The following FGF13 variants were observed in gnomAD, a reference collection of about 807,000 sequenced individuals.
FGF13 encodes the protein fibroblast growth factor 13, also known as fibroblast growth factor homologous factor 2.
FGF13 carries 2 observed loss-of-function variants against 19.5 expected under a neutral mutation model. That is an observed-to-expected ratio of 0.10 (90% CI 0.04 to 0.32). The LOEUF (loss-of-function observed/expected upper bound fraction) is 0.32, where lower values mean the gene tolerates loss of function less well. Ranked by LOEUF, FGF13 falls within the 10% of genes least tolerant of loss-of-function variation. The pLI, the probability that FGF13 is intolerant of heterozygous loss-of-function variation, is 1.00. For synonymous variants in FGF13, 72 were observed against 76.9 expected (o/e 0.94, Z 0.33); for missense variants, 113 against 192.7 (o/e 0.59, Z 2.45).
chrX:139,075,290 G>A lies in FGF13; in HGVS notation c.-113+128126C>T, dbSNP rs147022868. Among the ~76,000 whole-genome samples the A allele has an allele frequency of 6.0e-3, 668 of 111,548 alleles. 4 individuals carry two copies. The highest frequency in any genetic ancestry group is 0.021 in the African/African-American group (649 of 30,655). ...TTGTCCCCAACTTGTCTGGCCAGTG[G>A]TCTCCTCACAACAGGCACTACCCGA... is the stretch of plus-strand genomic sequence containing the variant. On this transcript the variant is annotated intron_variant, in intron 1 of 2. Transcript: ENST00000421460.
At chrX:138,874,424 C>G (rs142947288) in intron 1 of FGF13, among the ~76,000 whole-genome samples, 2,405 of 110,573 alleles carry the variant, frequency 0.022, 71 homozygotes, top group African/African-American at 0.075. Flanking sequence ...GAGGGCAATT[C>G]TTTCTTCTCT....
intron 1 of FGF13, among the ~76,000 whole-genome samples, chrX:139,102,205 T>A (rs1251993226): frequency 1.8e-5 from 2 of 112,023 alleles, no homozygotes; most frequent in Non-Finnish European, 3.8e-5. Context: ...GGAAAATAAA[T>A]TTGTGCTTGG....
intron 1 of FGF13, among the ~76,000 whole-genome samples, chrX:138,998,021 C>G (rs548648007): frequency 9.0e-6 from 1 of 111,452 alleles, no homozygotes; most frequent in Non-Finnish European, 1.9e-5. Flanking sequence ...AGAGGGGGGG[C>G]CAATATTCAA....
chrX:138,893,192 C>G (rs1414548540), intron 1 of FGF13, among the ~76,000 whole-genome samples: 1 of 111,535 alleles, frequency 9.0e-6, no homozygotes, highest in Non-Finnish European at 1.9e-5. Context: ...GTATGAGTGA[C>G]TGGCTTTCCC....
chrX:138,994,923 C>T (rs986130183), intron 1 of FGF13, among the ~76,000 whole-genome samples: 1 of 106,250 alleles, frequency 9.4e-6, no homozygotes, highest in Admixed American at 1.0e-4. Context: ...CAAGGCCAAA[C>T]AGAAGGCTCC....
intron 3 of FGF13, among the ~76,000 whole-genome samples, chrX:138,756,584 C>A (rs2090433021): frequency 8.9e-6 from 1 of 112,570 alleles, no homozygotes; most frequent in South Asian, 3.7e-4. Flanking sequence ...TTGCCAGTGC[C>A]ATATGTTTCT....
intron 1 of FGF13, among the ~76,000 whole-genome samples, chrX:139,127,309 G>A (rs1232389239): frequency 9.0e-6 from 1 of 111,582 alleles, no homozygotes; most frequent in Non-Finnish European, 1.9e-5. Flanking sequence ...TCCACAAGAA[G>A]GTTTTTCAGA....
intron 1 of FGF13, among the ~76,000 whole-genome samples, chrX:138,882,120 T>C (rs973330929): frequency 9.0e-6 from 1 of 111,338 alleles, no homozygotes; most frequent in African/African-American, 3.3e-5. Context: ...TTAATCTCAA[T>C]GTATTTTCTA....
Position 138,622,221 on chromosome X carries a change from A to G in FGF13, c.*10629T>C, listed in dbSNP as rs1279878540. The G allele has an allele frequency of 8.9e-6, 1 of 111,763 alleles. No individual in the cohort carries two copies. Among genetic ancestry groups the G allele is most frequent in the Non-Finnish European group, 1.9e-5 (1 of 53,133 alleles). 9.2% of individuals were successfully genotyped at this position (111,763 alleles called of 1,213,427 possible). A position where few individuals can be genotyped will look rare whatever the true frequency, so the allele number is the denominator to read the frequency against. Reference sequence around the variant, plus strand: ...AAAATCCACAACAAAATACTAGCTAAAAGAACTTAACATCACATTAAAAAG... The same window carrying G: ...AAAATCCACAACAAAATACTAGCTAGAAGAACTTAACATCACATTAAAAAG... On this transcript the variant is annotated 3_prime_UTR_variant, in exon 5 of 5. Transcript: ENST00000315930.
At chrX:138,975,161 C>A (rs1437710483) in intron 1 of FGF13, among the ~76,000 whole-genome samples, 1 of 113,016 alleles carries the variant, frequency 8.8e-6, no homozygotes, top group African/African-American at 3.2e-5. Context: ...CAATAATACT[C>A]CCCATGTGCA....
intron 3 of FGF13, among the ~76,000 whole-genome samples, chrX:138,759,996 G>A (rs969490585): frequency 5.4e-5 from 6 of 111,505 alleles, no homozygotes; most frequent in African/African-American, 1.6e-4. Flanking sequence ...GAACTCTGCT[G>A]GATGCTATGC....
chrX:138,751,353 T>C (rs1454210365), intron 3 of FGF13, among the ~76,000 whole-genome samples: 2 of 111,264 alleles, frequency 1.8e-5, no homozygotes, highest in Non-Finnish European at 3.8e-5. Flanking sequence ...CTGGCTTCAT[T>C]CCTGCCTTAC....
chrX:138,952,197 C>G (rs2091816789), intron 1 of FGF13, among the ~76,000 whole-genome samples: 1 of 111,567 alleles, frequency 9.0e-6, no homozygotes, highest in Admixed American at 9.5e-5. Context: ...GCTACAGCAA[C>G]CAAAACAGCA....
rs752555500 is a variant in FGF13 at position 138,699,371 on chromosome X, C to T, written c.402+3613G>A. Among the ~76,000 whole-genome samples the T allele has an allele frequency of 4.5e-5, 5 of 111,659 alleles. No individual in the cohort carries two copies. The Admixed American group carries it at 4.8e-4, about 11-fold the overall frequency. On this transcript the variant is annotated intron_variant, in intron 3 of 4. Transcript: ENST00000315930. ...TCACTCCCTTTCTATTTGTTCATTT[C>T]TTTTACTTAACAAATATGTTCAAGT...
intron 3 of FGF13, among the ~76,000 whole-genome samples, chrX:138,840,805 C>G (rs766092280): frequency 8.9e-6 from 1 of 111,791 alleles, no homozygotes; most frequent in Non-Finnish European, 1.9e-5. Context: ...CTCTTGCTTC[C>G]AGTTTCTGAC....
chrX:139,138,817 C>T (rs1340820680), intron 1 of FGF13, among the ~76,000 whole-genome samples: 1 of 111,433 alleles, frequency 9.0e-6, no homozygotes, highest in Admixed American at 9.6e-5. Flanking sequence ...CAAGGATGTC[C>T]AATGACTTGC....
chrX:139,148,161 C>G (rs1378058028), intron 1 of FGF13, among the ~76,000 whole-genome samples: 2 of 110,984 alleles, frequency 1.8e-5, no homozygotes, highest in Non-Finnish European at 1.9e-5. Context: ...ACTTACCAAC[C>G]AAGTAGGAGC....
At chrX:138,947,286 G>T (rs1001367228) in intron 1 of FGF13, among the ~76,000 whole-genome samples, 2 of 110,622 alleles carry the variant, frequency 1.8e-5, no homozygotes, top group Non-Finnish European at 1.9e-5. Context: ...AGCTTAAAAT[G>T]AGCAAAAAAA....
chrX:139,155,994 A>G (rs1335632235), intron 1 of FGF13, among the ~76,000 whole-genome samples: 1 of 111,963 alleles, frequency 8.9e-6, no homozygotes, highest in Admixed American at 9.4e-5. Flanking sequence ...TTTCAGGGTG[A>G]GCCCTGGGCA....
Sources: gnomAD v4.1 joint callset for allele counts (sites outside exome capture counted in the v4.1 genomes callset) on GRCh38, gnomAD v4.1.1 for gene constraint, MANE v1.5 for transcripts, NCBI Gene and HGNC (gene_info 2026-07-23, HGNC 2026-07-21) for gene names.